The following RBFOX1 variants were observed in gnomAD, a reference collection of about 807,000 sequenced individuals.
The protein encoded by RBFOX1 is RNA binding fox-1 homolog 1, also known as RNA binding protein fox-1 homolog 1.
Under a neutral mutation model 57.7 loss-of-function variants are expected in RBFOX1, and 8 were observed. That is an observed-to-expected ratio of 0.14 (90% CI 0.08 to 0.25). The LOEUF is 0.25. RBFOX1 is among the 10% of genes least tolerant of loss of function. The pLI, the probability that RBFOX1 is intolerant of heterozygous loss-of-function variation, is 1.00. For missense variants in RBFOX1, 611 were observed against 548.5 expected, an observed-to-expected ratio of 1.11 and a Z score of -1.14; for synonymous variants, 326 against 222.4, an observed-to-expected ratio of 1.47 and a Z score of -4.15.
chr16:5,708,146 C>A (rs551070975), intron 3 of RBFOX1, among the ~76,000 whole-genome samples: 2 of 152,170 alleles, frequency 1.3e-5, no homozygotes, highest in African/African-American at 4.8e-5. Flanking sequence ...AGTAGTCAGA[C>A]TGGAACTGGA....
intron 11 of RBFOX1, among the ~76,000 whole-genome samples, chr16:7,636,643 C>A (rs761800983): frequency 1.3e-5 from 2 of 152,200 alleles, no homozygotes; most frequent in Non-Finnish European, 2.9e-5. Flanking sequence ...TGCACTGTAT[C>A]AGTCAGTTTG....
intron 2 of RBFOX1, among the ~76,000 whole-genome samples, chr16:5,564,976 G>C (rs971182115): frequency 6.6e-6 from 1 of 152,154 alleles, no homozygotes; most frequent in African/African-American, 2.4e-5. Flanking sequence ...GTTCCTACTG[G>C]ATGAGGGATG....
At chr16:7,411,931 G>T (rs2098432153) in intron 4 of RBFOX1, among the ~76,000 whole-genome samples, 1 of 142,914 alleles carries the variant, frequency 7.0e-6, no homozygotes, top group Non-Finnish European at 1.5e-5. Context: ...AAAAGATAGG[G>T]AAAATCTGAG....
At position 6,886,685 on chromosome 16, in the gene RBFOX1, G is replaced by A. The variant is rs149864091; in HGVS notation, c.-15-165372G>A. Among the ~76,000 whole-genome samples, 1,019 of 151,734 alleles carry A rather than the reference G, an allele frequency of 6.7e-3. 9 individuals are homozygous for A. The highest frequency in any genetic ancestry group is 0.023 in the African/African-American group (963 of 41,338). On this transcript the variant is annotated intron_variant, in intron 3 of 15. Transcript: ENST00000550418. The stretch of plus-strand genomic sequence containing the variant: ...CACAAGAATCGCTTGAACCCAGCAG[G>A]CAGAGGTTGCACTAAACTGAGATCG...
intron 12 of RBFOX1, among the ~76,000 whole-genome samples, chr16:7,657,388 T>G (rs1470823894): frequency 6.6e-6 from 1 of 152,180 alleles, no homozygotes; most frequent in East Asian, 1.9e-4. Flanking sequence ...CACTGCAACC[T>G]CCACCTCCTG....
At chr16:7,054,216 G>T (rs1391323413) in intron 4 of RBFOX1, among the ~76,000 whole-genome samples, 9 of 92,374 alleles carry the variant, frequency 9.7e-5, no homozygotes, top group African/African-American at 3.6e-4. Flanking sequence ...TTTTTTTCGG[G>T]GGGGGGGGGC....
intron 4 of RBFOX1, among the ~76,000 whole-genome samples, chr16:7,179,465 C>G (rs1479628203): frequency 6.6e-6 from 1 of 152,148 alleles, no homozygotes; most frequent in African/African-American, 2.4e-5. Context: ...AACTGATTTA[C>G]GGTTCACCAA....
At chr16:7,037,129 C>G (rs966759192) in intron 3 of RBFOX1, among the ~76,000 whole-genome samples, 1 of 151,732 alleles carries the variant, frequency 6.6e-6, no homozygotes, top group African/African-American at 2.4e-5. Flanking sequence ...TCAGCAAGGT[C>G]CTTACGACCT....
chr16:6,986,061 T>C (rs1042637174), intron 3 of RBFOX1, among the ~76,000 whole-genome samples: 1 of 151,648 alleles, frequency 6.6e-6, no homozygotes, highest in Non-Finnish European at 1.5e-5. Context: ...TTAAATTTCA[T>C]TTGTCTTTTT....
chr16:6,995,111 C>T (rs1441235010), intron 3 of RBFOX1, among the ~76,000 whole-genome samples: 1 of 152,090 alleles, frequency 6.6e-6, no homozygotes, highest in Non-Finnish European at 1.5e-5. Context: ...CAACCATAGT[C>T]TGTTATCTGT....
At chr16:6,545,800 C>G (rs1375469819) in intron 2 of RBFOX1, among the ~76,000 whole-genome samples, 2 of 152,154 alleles carry the variant, frequency 1.3e-5, no homozygotes, top group East Asian at 1.9e-4. Flanking sequence ...TGGACAGCCT[C>G]AAAGCTATAG....
rs187051058 is a variant in RBFOX1 at position 6,200,821 on chromosome 16, G to A, written c.-126-116174G>A. ...ACCAGATGTGGGTGGGTATGACTCA[G>A]GAACACATGCTGTGAATTGACGTAG... On this transcript the variant is annotated intron_variant, in intron 1 of 15. Transcript: ENST00000550418. Among the ~76,000 whole-genome samples, 6 of 152,186 alleles carry A rather than the reference G, an allele frequency of 3.9e-5. No individual in the cohort carries two copies. In the East Asian group the frequency reaches 5.8e-4, roughly 15 times the overall value.
At chr16:7,535,257 C>G (rs943341565) in intron 5 of RBFOX1, among the ~76,000 whole-genome samples, 6 of 152,112 alleles carry the variant, frequency 3.9e-5, no homozygotes, top group African/African-American at 1.4e-4. Context: ...TTCCCTGGGC[C>G]AGCTCAGGGC....
intron 4 of RBFOX1, among the ~76,000 whole-genome samples, chr16:7,169,490 G>A (rs902252723): frequency 1.3e-5 from 2 of 152,174 alleles, no homozygotes; most frequent in South Asian, 4.1e-4. Flanking sequence ...TTGTCACACT[G>A]AGAAATGTCT....
intron 3 of RBFOX1, among the ~76,000 whole-genome samples, chr16:5,693,454 TA>T: frequency 6.6e-6 from 1 of 152,288 alleles, no homozygotes; most frequent in African/African-American, 2.4e-5. Context: ...AGACCAATTT[TA>T]TTTTATTTTG....
At chr16:7,562,876 G>T (rs1391167374) in intron 5 of RBFOX1, among the ~76,000 whole-genome samples, 1 of 152,190 alleles carries the variant, frequency 6.6e-6, no homozygotes, top group Non-Finnish European at 1.5e-5. Context: ...AAGAGGAAGA[G>T]AGTTTTAATC....
chr16:5,518,204 G>A (rs917809785), intron 2 of RBFOX1, among the ~76,000 whole-genome samples: 1 of 152,156 alleles, frequency 6.6e-6, no homozygotes, highest in Non-Finnish European at 1.5e-5. Context: ...TGTGATGGAT[G>A]ATGTTCCTTG....
At chr16:6,271,561 C>A (rs1040283646) in intron 1 of RBFOX1, among the ~76,000 whole-genome samples, 3 of 152,244 alleles carry the variant, frequency 2.0e-5, no homozygotes, top group Middle Eastern at 3.4e-3. Flanking sequence ...AGACAAACCT[C>A]CTGACAAATC....
intron 11 of RBFOX1, among the ~76,000 whole-genome samples, chr16:7,648,755 G>A (rs1686132313): frequency 6.6e-6 from 1 of 152,112 alleles, no homozygotes; most frequent in South Asian, 2.1e-4. Context: ...CAAAACTGGA[G>A]TCCCGCTTTT....
Sources: gnomAD v4.1 joint callset for allele counts (sites outside exome capture counted in the v4.1 genomes callset) on GRCh38, gnomAD v4.1.1 for gene constraint, MANE v1.5 for transcripts, NCBI Gene and HGNC (gene_info 2026-07-23, HGNC 2026-07-21) for gene names.